OSER1: variants seen among roughly 807,000 people sequenced by gnomAD.
OSER1 encodes the protein oxidative stress-responsive serine-rich protein 1.
A neutral mutation model predicts 26.3 loss-of-function variants in OSER1; 15 were observed. That is an observed-to-expected ratio of 0.57 (90% CI 0.38 to 0.88). OSER1 has a LOEUF of 0.88. OSER1 is among the 40% of genes least tolerant of loss of function. The pLI, the probability that OSER1 is intolerant of heterozygous loss-of-function variation, is 0.00. For missense variants in OSER1, 313 were observed against 353.9 expected, an observed-to-expected ratio of 0.88 and a Z score of 0.93; for synonymous variants, 127 against 128.2, an observed-to-expected ratio of 0.99 and a Z score of 0.07.
intron 1 of OSER1, chr20:44,207,394 G>A (rs2037927605): frequency 6.2e-6 from 1 of 160,234 alleles, no homozygotes; most frequent in Non-Finnish European, 1.4e-5. Context: ...AAATGACACT[G>A]AGTATTTGTC....
chr20:44,206,565 T>C lies in OSER1; in HGVS notation c.77+316A>G, dbSNP rs1467109918. On this transcript the variant is annotated intron_variant, in intron 2 of 3. Coordinates refer to ENST00000255174, the MANE Select transcript of OSER1 (RefSeq NM_016470.8). ...ACTGTGATTCCCTTGAGATGTATGA[T>C]AAAATCCCTAGTGGGACACCGCTTG... Among the ~76,000 whole-genome samples the C allele has an allele frequency of 7.9e-5, 12 of 152,214 alleles. No individual in the cohort carries two copies. The East Asian group carries it at 2.1e-3, about 27-fold the overall frequency.
chr20:44,201,402 CG>C (rs1036281146), intron 3 of OSER1, among the ~76,000 whole-genome samples: 1 of 152,056 alleles, frequency 6.6e-6, no homozygotes, highest in African/African-American at 2.4e-5. Context: ...TATTTAACAT[CG>C]GGGGCCCTTT....
intron 1 of OSER1, 37 bp from the exon 2 acceptor site, chr20:44,207,035 G>A (rs1277959130): frequency 2.9e-6 from 3 of 1,048,458 alleles, no homozygotes; most frequent in Admixed American, 2.0e-5. Flanking sequence ...GTAAAAACAG[G>A]TGGGATCAAA....
intron 1 of OSER1, chr20:44,207,221 C>T (rs2073047275): frequency 3.6e-6 from 1 of 274,066 alleles, no homozygotes; most frequent in East Asian, 6.7e-5. Flanking sequence ...ATACTTGATG[C>T]CAAAATCCTA....
At position 44,197,133 on chromosome 20, in the gene OSER1, A is replaced by G. The variant is rs2072926735; in HGVS notation, c.798T>C (p.Ile266=). Reference sequence around the variant, plus strand: ...ACTCCATGTAGCCTGACAGGTCCTCAATGGTCACATCATCCACGAAGACTC... The same window carrying G: ...ACTCCATGTAGCCTGACAGGTCCTCGATGGTCACATCATCCACGAAGACTC... ...QARVFVDDVT[I]EDLSGYMEYY... is the part of the protein sequence containing the mutation. Residue 266 remains isoleucine, a synonymous_variant, in exon 4 of 4, where the codon ATT becomes ATC. Coordinates refer to ENST00000255174, the MANE Select transcript of OSER1 (RefSeq NM_016470.8). 6.2e-7 allele frequency: 1 copy of G among 1,613,962 alleles called. No individual in the cohort carries two copies.
At chr20:44,199,812 G>T (rs938230292) in intron 3 of OSER1, among the ~76,000 whole-genome samples, 6 of 152,216 alleles carry the variant, frequency 3.9e-5, no homozygotes, top group African/African-American at 1.4e-4. Context: ...TGGCAAATGG[G>T]TTTGATATTG....
chr20:44,197,408 C>T lies in OSER1; in HGVS notation c.523G>A (p.Ala175Thr), dbSNP rs1437249036. 1 of 1,614,038 alleles carries T rather than the reference C, an allele frequency of 6.2e-7. No homozygotes were observed. The highest frequency in any genetic ancestry group is 8.5e-7 in the Non-Finnish European group (1 of 1,179,998). The change falls in exon 4 of 4, where the codon GCA becomes ACA. Residue 175 changes from alanine (A) to threonine (T), a missense_variant. Ala to Thr is a moderately conservative substitution (Grantham distance 58). Transcript: ENST00000255174. ...GAGAGATCACTGGCTTTGAGACTTG[C>T]TTGGGGGACTTGGGTAGCGTCAGAG... ...DSSDATQVPQ[A>T]SLKASDLSDF...
At chr20:44,202,851 T>C (rs917263033) in intron 3 of OSER1, 110 bp downstream of exon 3, 1 of 550,700 alleles carries the variant, frequency 1.8e-6, no homozygotes, top group Admixed American at 3.1e-5. Context: ...ATCTAATCAT[T>C]GGGTCTTAGG....
chr20:44,209,224 A>C (rs577573633), intron 1 of OSER1, among the ~76,000 whole-genome samples: 2 of 152,396 alleles, frequency 1.3e-5, no homozygotes, highest in East Asian at 1.9e-4. Context: ...CTAAAAACCA[A>C]AACAGGCCAG....
At chr20:44,200,408 C>T (rs1315719645) in intron 3 of OSER1, among the ~76,000 whole-genome samples, 1 of 152,138 alleles carries the variant, frequency 6.6e-6, no homozygotes, top group Non-Finnish European at 1.5e-5. Flanking sequence ...ACGGCCAACC[C>T]CAGGCAAACA....
At chr20:44,199,173 G>T (rs1053758509) in intron 3 of OSER1, among the ~76,000 whole-genome samples, 2 of 152,194 alleles carry the variant, frequency 1.3e-5, no homozygotes, top group Admixed American at 1.3e-4. Flanking sequence ...AAAAGTTCAT[G>T]TGTTGTCAAC....
chr20:44,201,055 T>C (rs2072977210), intron 3 of OSER1, among the ~76,000 whole-genome samples: 1 of 152,186 alleles, frequency 6.6e-6, no homozygotes, highest in Non-Finnish European at 1.5e-5. Context: ...TATCCACGGA[T>C]TCTACACTTG....
chr20:44,200,126 G>A (rs944934054), intron 3 of OSER1, among the ~76,000 whole-genome samples: 2 of 152,164 alleles, frequency 1.3e-5, no homozygotes, highest in Admixed American at 6.5e-5. Flanking sequence ...ACTGTCCAGC[G>A]CCCGCACTAG....
intron 3 of OSER1, 149 bp downstream of exon 3, chr20:44,202,812 A>G: frequency 2.3e-6 from 1 of 434,750 alleles, no homozygotes; most frequent in South Asian, 5.4e-5. Flanking sequence ...AAGTCTCAGC[A>G]AATTCAGCAA....
chr20:44,196,877 A>C lies in OSER1; in HGVS notation c.*175T>G. On this transcript the variant is annotated 3_prime_UTR_variant, in exon 4 of 4. Transcript: ENST00000255174. ...GCCTTGAAGTGTATGTAAGAACTCA[A>C]GAGAGTAAGTTGAAAGAATGAAGAT... is the stretch of plus-strand genomic sequence containing the variant. 1 of 581,712 alleles carries C rather than the reference A, an allele frequency of 1.7e-6. No homozygotes were observed. Among genetic ancestry groups the C allele is most frequent in the Non-Finnish European group, 3.1e-6 (1 of 325,086 alleles). The allele number at this position is 581,712 out of a possible 1,614,324, so 36.0% of individuals were successfully genotyped here.
intron 1 of OSER1, among the ~76,000 whole-genome samples, chr20:44,208,387 G>A: frequency 7.0e-6 from 1 of 143,380 alleles, no homozygotes; most frequent in Non-Finnish European, 1.5e-5. Flanking sequence ...GCTCTCTGGG[G>A]AACACTGAAA....
In OSER1 at chr20:44,196,602, C is replaced by T; in HGVS notation, c.*450G>A. 6.2e-6 allele frequency: 1 copy of T among 161,138 alleles called. No homozygotes were observed. The highest frequency in any genetic ancestry group is 1.8e-4 in the East Asian group (1 of 5,664). The allele number at this position is 161,138 out of a possible 1,614,324, so 10.0% of individuals were successfully genotyped here. A position where few individuals can be genotyped will look rare whatever the true frequency, so the allele number is the denominator to read the frequency against. ...AGACACAATATATCTTGCATTAAAT[C>T]AGAGACGGTTTAAATCAGTCTTGTA... On this transcript the variant is annotated 3_prime_UTR_variant, in exon 4 of 4. Transcript: ENST00000255174.
chr20:44,200,205 A>G (rs1280736596), intron 3 of OSER1, among the ~76,000 whole-genome samples: 1 of 152,214 alleles, frequency 6.6e-6, no homozygotes, highest in African/African-American at 2.4e-5. Context: ...TCTCAGTTCA[A>G]GACTCCAACC....
intron 2 of OSER1, among the ~76,000 whole-genome samples, 172 bp downstream of exon 2, chr20:44,206,709 T>C (rs2073041546): frequency 6.6e-6 from 1 of 152,238 alleles, no homozygotes; most frequent in Admixed American, 6.5e-5. Flanking sequence ...AAGGGTTTTC[T>C]TTTTAAACTA....
Sources: allele counts gnomAD v4.1 joint callset (sites outside exome capture counted in the v4.1 genomes callset), GRCh38; gene constraint gnomAD v4.1.1; transcripts MANE v1.5; gene names NCBI Gene and HGNC (gene_info 2026-07-23, HGNC 2026-07-21).